Variants in TMEM117 observed in about 807,000 individuals in gnomAD.
The protein encoded by TMEM117 is transmembrane protein 117.
A neutral mutation model predicts 52.4 loss-of-function variants in TMEM117; 27 were observed. The ratio of observed to expected loss-of-function variants is 0.51; its 90% CI spans 0.38 to 0.71. TMEM117 has a LOEUF of 0.71. Ranked by LOEUF, TMEM117 falls within the 30% of genes least tolerant of loss-of-function variation. The pLI, the probability that TMEM117 is intolerant of heterozygous loss-of-function variation, is 0.00. For missense variants in TMEM117, 556 were observed against 630.5 expected, an observed-to-expected ratio of 0.88 and a Z score of 1.26; for synonymous variants, 215 against 206.3, an observed-to-expected ratio of 1.04 and a Z score of -0.36.
At chr12:44,009,207 T>G (rs1946250442) in intron 3 of TMEM117, 2 of 272,492 alleles carry the variant, frequency 7.3e-6, no homozygotes, top group Non-Finnish European at 1.4e-5. Context: ...CTGCCTGTTG[T>G]TTTCTGGACA....
chr12:44,395,574 C>T, the TMEM117 span, among the ~76,000 whole-genome samples: 3 of 152,204 alleles, frequency 2.0e-5, no homozygotes, highest in African/African-American at 7.2e-5. Flanking sequence ...TCCAAAATCC[C>T]ACTGGCTTAA....
intron 3 of TMEM117, among the ~76,000 whole-genome samples, chr12:44,133,281 G>T (rs1356824144): frequency 6.6e-6 from 1 of 152,174 alleles, no homozygotes; most frequent in East Asian, 1.9e-4. Context: ...CAGTTGAGGA[G>T]AGGGTATCTC....
chr12:44,304,710 C>A (rs188198343), intron 6 of TMEM117, among the ~76,000 whole-genome samples: 3 of 152,236 alleles, frequency 2.0e-5, no homozygotes, highest in East Asian at 3.9e-4. Context: ...CATTTCTGGG[C>A]CAGAAGGGAA....
intron 3 of TMEM117, among the ~76,000 whole-genome samples, chr12:43,950,885 G>C (rs867218580): frequency 1.1e-4 from 17 of 152,182 alleles, no homozygotes; most frequent in African/African-American, 4.1e-4. Flanking sequence ...AACAGCTCGG[G>C]TCTGCAGCTC....
chr12:44,200,395 C>T (rs73272204), intron 4 of TMEM117, among the ~76,000 whole-genome samples: 14,790 of 152,054 alleles, frequency 0.097, 2,224 homozygotes, highest in African/African-American at 0.33. Flanking sequence ...TTGGGGAAGA[C>T]ATTAATAGAA....
At chr12:44,368,540 T>C (rs1474032216) in intron 6 of TMEM117, among the ~76,000 whole-genome samples, 1 of 152,124 alleles carries the variant, frequency 6.6e-6, no homozygotes, top group African/African-American at 2.4e-5. Context: ...AAAAATGACC[T>C]CAATATTAAA....
At chr12:44,073,531 A>G (rs1947336290) in intron 3 of TMEM117, 1 of 152,260 alleles carries the variant, frequency 6.6e-6, no homozygotes, top group Non-Finnish European at 1.5e-5. Context: ...ACTGCTCTCA[A>G]GGAGACTTTA....
chr12:43,891,367 A>ATT (rs772754829), intron 2 of TMEM117, among the ~76,000 whole-genome samples: 1,315 of 57,746 alleles, frequency 0.023, 170 homozygotes, highest in African/African-American at 0.074. Flanking sequence ...TACCTCTTGA[A>ATT]TTTTTTTTTT....
chr12:43,802,404 G>A, the TMEM117 span: 9 of 1,606,132 alleles, frequency 5.6e-6, no homozygotes, highest in Non-Finnish European at 7.6e-6. Context: ...TAAAACAAAG[G>A]AATCATAATC....
intron 5 of TMEM117, among the ~76,000 whole-genome samples, chr12:44,266,069 TTATC>T (rs1950373958): frequency 6.6e-6 from 1 of 152,190 alleles, no homozygotes; most frequent in Non-Finnish European, 1.5e-5. Context: ...TTCACATACT[TTATC>T]TATGGATATA....
intron 3 of TMEM117, among the ~76,000 whole-genome samples, chr12:44,094,512 G>GAAAGA (rs1947725113): frequency 1.3e-5 from 2 of 152,046 alleles, no homozygotes; most frequent in Non-Finnish European, 2.9e-5. Context: ...TGAAAGAAAT[G>GAAAGA]CATTAGTGAA....
At chr12:43,925,029 C>G (rs946088200) in intron 2 of TMEM117, among the ~76,000 whole-genome samples, 1 of 152,172 alleles carries the variant, frequency 6.6e-6, no homozygotes, top group African/African-American at 2.4e-5. Flanking sequence ...CTGGATCCCT[C>G]AGTTCCTCAA....
chr12:43,918,877 C>A (rs1944647890), intron 2 of TMEM117, among the ~76,000 whole-genome samples: 1 of 152,228 alleles, frequency 6.6e-6, no homozygotes, highest in South Asian at 2.1e-4. Context: ...AATCTCTGTA[C>A]AATTTGATAC....
intron 1 of TMEM117, among the ~76,000 whole-genome samples, chr12:43,836,631 G>A (rs751419824): frequency 6.6e-6 from 1 of 152,176 alleles, no homozygotes; most frequent in Non-Finnish European, 1.5e-5. Flanking sequence ...GTTGCAGTTC[G>A]TAGGTGTTGT....
intron 6 of TMEM117, among the ~76,000 whole-genome samples, chr12:44,361,777 G>C (rs1306037881): frequency 6.6e-6 from 1 of 152,014 alleles, no homozygotes; most frequent in Admixed American, 6.6e-5. Flanking sequence ...TAGTCAAGAA[G>C]AGTTACATAC....
chr12:43,920,079 CT>C lies in TMEM117; in HGVS notation c.278-24125del, dbSNP rs565764337. 1.1e-4 allele frequency among the ~76,000 whole-genome samples: 16 copies of C among 152,132 alleles called. No homozygotes were observed. In the South Asian group the frequency reaches 3.3e-3, roughly 32 times the overall value. On this transcript the variant is annotated intron_variant, in intron 2 of 7. Transcript: ENST00000266534. ...CAATAGTTAATCTCTGCAACCTCTCCTTTTTTACTGGCTTTACCATTTCCCC... is the reference window on the plus strand; with the variant it reads ...CAATAGTTAATCTCTGCAACCTCTCCTTTTTACTGGCTTTACCATTTCCCC...
chr12:43,915,081 C>T (rs1301627619), intron 2 of TMEM117, among the ~76,000 whole-genome samples: 2 of 152,094 alleles, frequency 1.3e-5, no homozygotes, highest in East Asian at 1.9e-4. Context: ...AGTGTTACTG[C>T]GATTTCTTCT....
At chr12:43,812,361 G>C in the TMEM117 span, among the ~76,000 whole-genome samples, 2 of 152,220 alleles carry the variant, frequency 1.3e-5, no homozygotes, top group Non-Finnish European at 1.5e-5. Context: ...AAGCTTGTTA[G>C]AGGATTGGGT....
chr12:44,188,911 G>A (rs1413877083), intron 4 of TMEM117, among the ~76,000 whole-genome samples: 1 of 151,966 alleles, frequency 6.6e-6, no homozygotes, highest in Non-Finnish European at 1.5e-5. Flanking sequence ...AAGTGCTTTA[G>A]CATGTAACAA....
Sources: gnomAD v4.1 joint callset for allele counts (sites outside exome capture counted in the v4.1 genomes callset) on GRCh38, gnomAD v4.1.1 for gene constraint, MANE v1.5 for transcripts, NCBI Gene and HGNC (gene_info 2026-07-23, HGNC 2026-07-21) for gene names.